Variants in CNDP1 observed in about 807,000 individuals in gnomAD.
CNDP1 encodes the protein beta-Ala-His dipeptidase.
In CNDP1, 44 loss-of-function variants were observed where a neutral mutation model predicts 58.1. The ratio of observed to expected loss-of-function variants is 0.76; its 90% CI spans 0.60 to 0.97. CNDP1 has a LOEUF of 0.97. Among genes scored for constraint, CNDP1 ranks in the 50% least tolerant of loss-of-function variants. The probability of loss-of-function intolerance (pLI) is 0.00; values close to 1 mark genes in which losing one functional copy is unlikely to be tolerated. For synonymous variants in CNDP1, 254 were observed against 252.6 expected, an observed-to-expected ratio of 1.01 and a Z score of -0.05; for missense variants, 616 against 655.1, an observed-to-expected ratio of 0.94 and a Z score of 0.65.
intron 11 of CNDP1, 182 bp from the exon 12 acceptor site, chr18:74,584,314 A>G: frequency 3.4e-6 from 2 of 580,518 alleles, no homozygotes; most frequent in Non-Finnish European, 6.1e-6. Context: ...TCTTAATAAT[A>G]ATAATGCAAT....
At chr18:74,560,732 AGAGATGGAG>A in intron 3 of CNDP1, 115 bp from the exon 4 acceptor site, 1 of 879,068 alleles carries the variant, frequency 1.1e-6, no homozygotes, top group Admixed American at 2.2e-5. Context: ...GACTCATTTT[AGAGATGGAG>A]AAACTGATGC....
Position 74,584,645 on chromosome 18 carries a change from C to G in CNDP1, c.*83C>G, listed in dbSNP as rs1555711923. ...CTAGACAGGGATGGAATGTAAATAT[C>G]CAGAGAATTTGGGTCTAGTATAGTA... is the stretch of plus-strand genomic sequence containing the variant. On this transcript the variant is annotated 3_prime_UTR_variant, in exon 12 of 12. Coordinates refer to ENST00000358821, the MANE Select transcript of CNDP1 (RefSeq NM_032649.6). The G allele has an allele frequency of 9.8e-6, 11 of 1,127,022 alleles. No homozygotes were observed. The South Asian group carries it at 1.4e-4, about 14-fold the overall frequency. 69.8% of individuals were successfully genotyped at this position (1,127,022 alleles called of 1,614,324 possible).
rs201516403 is a variant in CNDP1 at position 74,567,458 on chromosome 18, A to T, written c.756+25A>T. The T allele has an allele frequency of 1.7e-5, 27 of 1,588,126 alleles. No homozygotes were observed. In the African/African-American group the frequency reaches 2.5e-4, roughly 15 times the overall value. On this transcript the variant is annotated intron_variant, in intron 6 of 11. Transcript: ENST00000358821. ...GGTATCCACAGAGAGCAGTGCATGG[A>T]TGGAGGCCTGTGGGGGTTGTGAATG...
chr18:74,563,229 A>C (rs1981247040), intron 5 of CNDP1, among the ~76,000 whole-genome samples: 1 of 152,116 alleles, frequency 6.6e-6, no homozygotes, highest in Non-Finnish European at 1.5e-5. Context: ...ACCTCAGGAA[A>C]TCAGCACAGG....
At chr18:74,562,210 T>C in intron 5 of CNDP1, 75 bp downstream of exon 5, 1 of 1,379,868 alleles carries the variant, frequency 7.2e-7, no homozygotes, top group Non-Finnish European at 1.0e-6. Context: ...GTTTGCTGTG[T>C]TCTGAGCAAA....
chr18:74,572,703 G>A (rs1037419187), intron 7 of CNDP1, among the ~76,000 whole-genome samples: 6 of 149,928 alleles, frequency 4.0e-5, no homozygotes, highest in Admixed American at 6.7e-5. Flanking sequence ...CAGGAGGGTC[G>A]CTTGAGCCCG....
chr18:74,574,465 G>A (rs1981577315), intron 7 of CNDP1, among the ~76,000 whole-genome samples: 1 of 152,172 alleles, frequency 6.6e-6, no homozygotes, highest in Admixed American at 6.5e-5. Flanking sequence ...TGTACCAAGG[G>A]CATTTTTATA....
rs147250274 is a variant in CNDP1, at chr18:74,540,501, G to A, written c.24+5810G>A. On this transcript the variant is annotated intron_variant, in intron 1 of 11. Transcript: ENST00000358821. ...GATCTGACCTTGAGTGCCTGGAATG[G>A]GCACCCTGCCTCAGCCTGGCCCCCT... is the stretch of plus-strand genomic sequence containing the variant. Among the ~76,000 whole-genome samples the A allele has an allele frequency of 1.3e-3, 205 of 152,260 alleles. 1 individual carries two copies. The highest frequency in any genetic ancestry group is 4.7e-3 in the African/African-American group (197 of 41,544).
At chr18:74,553,580 T>C (rs1322470526) in intron 1 of CNDP1, among the ~76,000 whole-genome samples, 1 of 152,224 alleles carries the variant, frequency 6.6e-6, no homozygotes, top group Admixed American at 6.5e-5. Flanking sequence ...AATGTGAGGA[T>C]TTATTTCTGG....
chr18:74,537,607 G>C (rs1176088571), intron 1 of CNDP1, among the ~76,000 whole-genome samples: 5 of 152,184 alleles, frequency 3.3e-5, no homozygotes, highest in Non-Finnish European at 5.9e-5. Flanking sequence ...GACTGGATGA[G>C]GTTTGGGGAG....
intron 1 of CNDP1, among the ~76,000 whole-genome samples, chr18:74,537,637 G>A (rs1482364207): frequency 2.0e-5 from 3 of 152,182 alleles, no homozygotes; most frequent in Non-Finnish European, 4.4e-5. Flanking sequence ...AGGATGCAGA[G>A]GGGGCTCTGT....
rs971591256 is a variant in CNDP1, at chr18:74,558,256, G to A, written c.154-1067G>A. On this transcript the variant is annotated intron_variant, in intron 2 of 11. Coordinates refer to ENST00000358821, the MANE Select transcript of CNDP1 (RefSeq NM_032649.6). Reference sequence around the variant, plus strand: ...ATGAGCCACTCAGGTTCCAACACAGGCATGTGAGTGGTTCTTATCAGTCAT... The same window carrying A: ...ATGAGCCACTCAGGTTCCAACACAGACATGTGAGTGGTTCTTATCAGTCAT... 1.2e-4 allele frequency among the ~76,000 whole-genome samples: 18 copies of A among 152,302 alleles called. No individual in the cohort carries two copies. In the East Asian group the frequency reaches 3.3e-3, roughly 28 times the overall value.
intron 1 of CNDP1, among the ~76,000 whole-genome samples, chr18:74,548,429 C>T (rs868547494): frequency 2.6e-5 from 4 of 152,196 alleles, no homozygotes; most frequent in South Asian, 2.1e-4. Flanking sequence ...TGGGTAAAAG[C>T]TCCTTGAGGC....
At chr18:74,549,076 A>T (rs916053036) in intron 1 of CNDP1, among the ~76,000 whole-genome samples, 1 of 152,202 alleles carries the variant, frequency 6.6e-6, no homozygotes, top group African/African-American at 2.4e-5. Flanking sequence ...CACCAGTGGC[A>T]CTTGTGGCTG....
intron 11 of CNDP1, 42 bp downstream of exon 11, chr18:74,583,750 T>A: frequency 6.2e-7 from 1 of 1,602,788 alleles, no homozygotes; most frequent in Non-Finnish European, 8.5e-7. Flanking sequence ...CTTCTTCCTT[T>A]ACTGCACACA....
intron 10 of CNDP1, among the ~76,000 whole-genome samples, chr18:74,582,977 A>G (rs907533710): frequency 6.6e-6 from 1 of 152,188 alleles, no homozygotes; most frequent in African/African-American, 2.4e-5. Context: ...TTCTAAAATT[A>G]GTTCAAAATA....
At chr18:74,566,897 G>T (rs573087182) in intron 5 of CNDP1, among the ~76,000 whole-genome samples, 1 of 152,294 alleles carries the variant, frequency 6.6e-6, no homozygotes, top group African/African-American at 2.4e-5. Flanking sequence ...ACCCAAGACT[G>T]GGAAGAAAAA....
At chr18:74,568,242 C>G (rs1372499660) in intron 6 of CNDP1, among the ~76,000 whole-genome samples, 1 of 152,164 alleles carries the variant, frequency 6.6e-6, no homozygotes, top group Non-Finnish European at 1.5e-5. Context: ...TCAGCACATA[C>G]ACGGAAACAC....
intron 5 of CNDP1, among the ~76,000 whole-genome samples, 197 bp downstream of exon 5, chr18:74,562,332 A>G (rs1451589245): frequency 6.6e-6 from 1 of 152,218 alleles, no homozygotes; most frequent in Admixed American, 6.5e-5. Flanking sequence ...ACTTACCCAG[A>G]GCAGTGAAGC....
Sources: gnomAD v4.1 joint callset for allele counts (sites outside exome capture counted in the v4.1 genomes callset) on GRCh38, gnomAD v4.1.1 for gene constraint, MANE v1.5 for transcripts, NCBI Gene and HGNC (gene_info 2026-07-23, HGNC 2026-07-21) for gene names.